The following CNTNAP2 variants were observed in gnomAD, a reference collection of about 807,000 sequenced individuals.
The protein encoded by CNTNAP2 is contactin-associated protein-like 2.
In CNTNAP2, 98 loss-of-function variants were observed where a neutral mutation model predicts 155.2. The ratio of observed to expected loss-of-function variants is 0.63; its 90% confidence interval spans 0.54 to 0.75. The LOEUF is 0.75. Ranked by LOEUF, CNTNAP2 falls within the 30% of genes least tolerant of loss-of-function variation. The pLI, the probability that CNTNAP2 is intolerant of heterozygous loss-of-function variation, is 0.00. For missense variants in CNTNAP2, 1,727 were observed against 1,688.1 expected (o/e 1.02, Z -0.40); for synonymous variants, 651 against 631.2 (o/e 1.03, Z -0.47).
intron 8 of CNTNAP2, among the ~76,000 whole-genome samples, chr7:147,193,858 A>C (rs572796711): frequency 6.6e-6 from 1 of 152,212 alleles, no homozygotes; most frequent in Admixed American, 6.5e-5. Context: ...GATACTTTTA[A>C]GACAAAATGA....
intron 9 of CNTNAP2, among the ~76,000 whole-genome samples, chr7:147,309,225 G>A (rs2692178): frequency 0.53 from 79,768 of 151,886 alleles, 21,767 homozygotes; most frequent in East Asian, 0.73. Flanking sequence ...CTTCATTAAT[G>A]CTAAAGTACT....
intron 15 of CNTNAP2, among the ~76,000 whole-genome samples, chr7:148,040,836 A>T (rs1802660387): frequency 1.5e-5 from 2 of 137,132 alleles, no homozygotes; most frequent in Non-Finnish European, 3.2e-5. Flanking sequence ...ATGGAAAGAG[A>T]GCAAATTTTT....
intron 1 of CNTNAP2, among the ~76,000 whole-genome samples, chr7:146,530,556 G>A (rs1386445753): frequency 6.6e-6 from 1 of 152,144 alleles, no homozygotes; most frequent in Non-Finnish European, 1.5e-5. Context: ...TCATTAAAAA[G>A]TGGGCAAAAG....
chr7:146,229,205 A>T (rs1799344117), intron 1 of CNTNAP2, among the ~76,000 whole-genome samples: 1 of 152,184 alleles, frequency 6.6e-6, no homozygotes, highest in Non-Finnish European at 1.5e-5. Flanking sequence ...TATAAATAAA[A>T]AGTTGGGGTA....
At chr7:147,510,182 C>T (rs771912416) in intron 11 of CNTNAP2, among the ~76,000 whole-genome samples, 1 of 152,138 alleles carries the variant, frequency 6.6e-6, no homozygotes, top group Non-Finnish European at 1.5e-5. Context: ...GAAGATGAAA[C>T]CTGTCTGGGG....
chr7:146,659,747 A>T (rs746226629), intron 1 of CNTNAP2, among the ~76,000 whole-genome samples: 9 of 152,244 alleles, frequency 5.9e-5, no homozygotes, highest in Non-Finnish European at 7.3e-5. Flanking sequence ...TGAGGTGGGA[A>T]ACGAACATTA....
intron 8 of CNTNAP2, among the ~76,000 whole-genome samples, chr7:147,151,059 T>C (rs952766762): frequency 2.0e-5 from 3 of 152,228 alleles, no homozygotes; most frequent in African/African-American, 4.8e-5. Flanking sequence ...CATTGTGAAA[T>C]GCATATGATC....
At chr7:147,734,892 T>C (rs1055195265) in intron 13 of CNTNAP2, among the ~76,000 whole-genome samples, 65 of 152,310 alleles carry the variant, frequency 4.3e-4, no homozygotes, top group Non-Finnish European at 7.9e-4. Context: ...TTGTGTCTAT[T>C]TGATTCTTCT....
chr7:147,065,609 T>C (rs1256051213), intron 4 of CNTNAP2, among the ~76,000 whole-genome samples: 1 of 152,206 alleles, frequency 6.6e-6, no homozygotes, highest in Non-Finnish European at 1.5e-5. Context: ...TCCTCTTATA[T>C]CCTGTCACTT....
intron 1 of CNTNAP2, among the ~76,000 whole-genome samples, chr7:146,250,528 C>T (rs143176063): frequency 3.3e-5 from 5 of 152,298 alleles, no homozygotes; most frequent in Admixed American, 3.3e-4. Context: ...CTTTCACTCT[C>T]TTACTATGGC....
chr7:146,955,177 C>A (rs762993171), intron 3 of CNTNAP2, among the ~76,000 whole-genome samples: 2 of 152,042 alleles, frequency 1.3e-5, no homozygotes, highest in African/African-American at 2.4e-5. Context: ...TCATCGACTT[C>A]ATTGTGTTCT....
At chr7:147,031,209 C>T (rs963789105) in intron 3 of CNTNAP2, among the ~76,000 whole-genome samples, 2 of 151,670 alleles carry the variant, frequency 1.3e-5, no homozygotes, top group African/African-American at 4.8e-5. Flanking sequence ...TTTCTTATGG[C>T]TTGACATGAA....
In CNTNAP2 at chr7:146,813,730, A is replaced by G. The variant is rs1278407153; in HGVS notation, c.209-25981A>G. Reference sequence around the variant, plus strand: ...GACTTGAGATTTTGGAGGGGTAAGGAGAGTGGAATGATATGGTTTGGCTCT... The same window carrying G: ...GACTTGAGATTTTGGAGGGGTAAGGGGAGTGGAATGATATGGTTTGGCTCT... On this transcript the variant is annotated intron_variant, in intron 2 of 23. Transcript: ENST00000361727. 4.6e-5 allele frequency among the ~76,000 whole-genome samples: 7 copies of G among 152,132 alleles called. No individual in the cohort carries two copies. In the East Asian group the frequency reaches 1.4e-3, roughly 29 times the overall value.
At chr7:146,821,327 G>A (rs914040814) in intron 2 of CNTNAP2, among the ~76,000 whole-genome samples, 13 of 152,108 alleles carry the variant, frequency 8.5e-5, no homozygotes, top group African/African-American at 3.1e-4. Context: ...TATGCTTAGT[G>A]CTTCCTTCAG....
At chr7:148,275,022 A>G (rs1237894606) in intron 21 of CNTNAP2, among the ~76,000 whole-genome samples, 1 of 152,196 alleles carries the variant, frequency 6.6e-6, no homozygotes, top group Non-Finnish European at 1.5e-5. Context: ...GCAAATGTAT[A>G]CTCATCATAT....
intron 10 of CNTNAP2, among the ~76,000 whole-genome samples, chr7:147,415,466 A>T (rs1797176642): frequency 6.6e-6 from 1 of 152,108 alleles, no homozygotes; most frequent in Non-Finnish European, 1.5e-5. Context: ...CTCTCACGAG[A>T]TCTGATGACT....
chr7:147,303,470 A>G (rs1199662098), intron 9 of CNTNAP2, among the ~76,000 whole-genome samples: 1 of 152,238 alleles, frequency 6.6e-6, no homozygotes, highest in African/African-American at 2.4e-5. Context: ...CTGGATCGCA[A>G]CTTTAACTAA....
At chr7:146,357,020 A>G (rs1404864949) in intron 1 of CNTNAP2, among the ~76,000 whole-genome samples, 1 of 152,200 alleles carries the variant, frequency 6.6e-6, no homozygotes, top group Non-Finnish European at 1.5e-5. Context: ...CCAACGTGCA[A>G]TGACTGAAGT....
chr7:147,255,736 A>ATGTT (rs758317792), intron 8 of CNTNAP2, among the ~76,000 whole-genome samples: 1 of 151,812 alleles, frequency 6.6e-6, no homozygotes, highest in Admixed American at 6.6e-5. Flanking sequence ...TTTTATTTCT[A>ATGTT]TGTTTGTTTG....
Sources: gnomAD v4.1 joint callset for allele counts (sites outside exome capture counted in the v4.1 genomes callset) on GRCh38, gnomAD v4.1.1 for gene constraint, MANE v1.5 for transcripts, NCBI Gene and HGNC (gene_info 2026-07-23, HGNC 2026-07-21) for gene names.